APCDD1L: variants seen among roughly 807,000 people sequenced by gnomAD.
APCDD1L encodes protein APCDD1-like.
APCDD1L carries 21 observed loss-of-function variants against 24.2 expected under a neutral mutation model. That is an observed-to-expected ratio of 0.87 (90% CI 0.61 to 1.25). The LOEUF (loss-of-function observed/expected upper bound fraction) is 1.25. Ranked by LOEUF, APCDD1L falls within the 50% of genes most tolerant of loss-of-function variation. The pLI, the probability that APCDD1L is intolerant of heterozygous loss-of-function variation, is 0.00. For synonymous variants in APCDD1L, 321 were observed against 323.6 expected, an observed-to-expected ratio of 0.99 and a Z score of 0.09; for missense variants, 704 against 711.7, an observed-to-expected ratio of 0.99 and a Z score of 0.12.
At position 58,461,479 on chromosome 20, in the gene APCDD1L, G is replaced by T; in HGVS notation, c.817C>A (p.Pro273Thr). Residue 273 changes from proline to threonine, a missense_variant, in exon 4 of 4, where the codon CCT becomes ACT. By Grantham distance (38) the Pro-to-Thr change is conservative. Transcript: ENST00000371149. The surrounding 1 kb of genome is among the most constrained non-coding windows in gnomAD (Gnocchi z 6.0). Reference sequence around the variant, plus strand: ...CCCAGGTGCAGGGGCAGGGCCAGAGGGGGCGGCAGCACGGGCGGGTGGTGC... The same window carrying T: ...CCCAGGTGCAGGGGCAGGGCCAGAGTGGGCGGCAGCACGGGCGGGTGGTGC... ...DVHHPPVLPP[P>T]LALPLHLGGW... is the part of the protein sequence containing the mutation. 1 of 1,476,960 alleles carries T rather than the reference G, an allele frequency of 6.8e-7. No individual in the cohort carries two copies. The highest frequency in any genetic ancestry group is 9.0e-7 in the Non-Finnish European group (1 of 1,111,544). 91.5% of individuals were successfully genotyped at this position (1,476,960 alleles called of 1,614,324 possible). A position where few individuals can be genotyped will look rare whatever the true frequency, so the allele number is the denominator to read the frequency against.
intron 1 of APCDD1L, among the ~76,000 whole-genome samples, chr20:58,507,736 A>G (rs1279449093): frequency 6.6e-6 from 1 of 152,240 alleles, no homozygotes; most frequent in African/African-American, 2.4e-5. Context: ...CTGAAAAAAA[A>G]TTGCAACACA....
intron 1 of APCDD1L, among the ~76,000 whole-genome samples, chr20:58,495,837 C>G (rs1990311329): frequency 6.6e-6 from 1 of 152,154 alleles, no homozygotes; most frequent in South Asian, 2.1e-4. Context: ...TCCCCACATG[C>G]CCTTGTCTCC....
At chr20:58,496,899 G>GA (rs1220880283) in intron 1 of APCDD1L, among the ~76,000 whole-genome samples, 4 of 152,212 alleles carry the variant, frequency 2.6e-5, no homozygotes, top group African/African-American at 9.6e-5. Context: ...GACCCCCTAC[G>GA]AGCGGCACTG....
At position 58,508,159 on chromosome 20, in the gene APCDD1L, G is replaced by A. The variant is rs987080956; in HGVS notation, c.49+6500C>T. Among the ~76,000 whole-genome samples the A allele has an allele frequency of 2.0e-5, 3 of 152,352 alleles. No homozygotes were observed. Among genetic ancestry groups the A allele is most frequent in the Non-Finnish European group, 4.4e-5 (3 of 68,042 alleles). On this transcript the variant is annotated intron_variant, in intron 1 of 3. Coordinates refer to ENST00000371149, the MANE Select transcript of APCDD1L (RefSeq NM_153360.3). The surrounding 1 kb of genome is among the most constrained non-coding windows in gnomAD (Gnocchi z 4.0). ...GCAGGTGAAGGGGAGGCTGGCAGCA[G>A]GGAACAGAGTTCTAGGCAGAAGAAA... is the stretch of plus-strand genomic sequence containing the variant.
chr20:58,481,211 C>T lies in APCDD1L; in HGVS notation c.50-10464G>A, dbSNP rs186540480. ...TAGTTAGGAGTCAGTGTTTTCCAAACAGAATGTGTATCTGGGAGTCTCCCG... is the reference window on the plus strand; with the variant it reads ...TAGTTAGGAGTCAGTGTTTTCCAAATAGAATGTGTATCTGGGAGTCTCCCG... On this transcript the variant is annotated intron_variant, in intron 1 of 3. Coordinates refer to ENST00000371149, the MANE Select transcript of APCDD1L (RefSeq NM_153360.3). Among the ~76,000 whole-genome samples the T allele has an allele frequency of 2.8e-4, 42 of 152,344 alleles. 2 individuals carry two copies. The highest frequency in any genetic ancestry group is 3.4e-3 in the Middle Eastern group (1 of 294).
rs1228401952 is a variant in APCDD1L, at chr20:58,497,125, A to G, written c.49+17534T>C. Reference sequence around the variant, plus strand: ...CAGGGCTCCAGGGTCAGCAGCGTGGACACCAGAGGTCACAAGATGGGGGAT... The same window carrying G: ...CAGGGCTCCAGGGTCAGCAGCGTGGGCACCAGAGGTCACAAGATGGGGGAT... On this transcript the variant is annotated intron_variant, in intron 1 of 3. Transcript: ENST00000371149. This position sits in a 1 kb window ranked among gnomAD's most constrained non-coding sequence, Gnocchi z 4.3. Among the ~76,000 whole-genome samples the G allele has an allele frequency of 6.6e-6, 1 of 151,334 alleles. No individual in the cohort carries two copies. Among genetic ancestry groups the G allele is most frequent in the African/African-American group, 2.4e-5 (1 of 41,136 alleles).
rs566524347 is a variant in APCDD1L at position 58,460,537 on chromosome 20, C to T, written c.*253G>A. 1.2e-4 allele frequency: 45 copies of T among 388,018 alleles called. No individual in the cohort carries two copies. Among genetic ancestry groups the T allele is most frequent in the African/African-American group, 7.6e-4 (37 of 48,954 alleles). The allele number at this position is 388,018 out of a possible 1,614,324, so 24.0% of individuals were successfully genotyped here. ...ATTGGGAGTGATCTTTAGAAACTCA[C>T]GTAGCGATGAACATCACTGCCGCAT... On this transcript the variant is annotated 3_prime_UTR_variant, in exon 4 of 4. Coordinates refer to ENST00000371149, the MANE Select transcript of APCDD1L (RefSeq NM_153360.3). This position sits in a 1 kb window ranked among gnomAD's most constrained non-coding sequence, Gnocchi z 4.2.
intron 1 of APCDD1L, among the ~76,000 whole-genome samples, chr20:58,501,114 C>T (rs1422887641): frequency 6.6e-6 from 1 of 152,214 alleles, no homozygotes; most frequent in Non-Finnish European, 1.5e-5. Flanking sequence ...CCAGGGGTAA[C>T]TTTAGTCCTG....
rs538669727 is a variant in APCDD1L at position 58,467,525 on chromosome 20, C to A, written c.322G>T (p.Gly108Cys). The change falls in exon 3 of 4, where the codon GGC (glycine) becomes TGC (cysteine). Residue 108 changes from glycine to cysteine, a missense_variant. Gly to Cys is a radical substitution (Grantham distance 159). Coordinates refer to ENST00000371149, the MANE Select transcript of APCDD1L (RefSeq NM_153360.3). This position sits in a 1 kb window ranked among gnomAD's most constrained non-coding sequence, Gnocchi z 5.9. ...GEPAHSLLVK[G>C]KVRLRRASWV... is the part of the protein sequence containing the mutation. ...GAGGCCCGGCGCAGGCGGACTTTGC[C>A]CTTGACGAGCAGCGAGTGGGCAGGT... 17 of 1,596,460 alleles carry A rather than the reference C, an allele frequency of 1.1e-5. No homozygotes were observed. The highest frequency in any genetic ancestry group is 1.5e-5 in the Non-Finnish European group (17 of 1,171,486).
At position 58,461,698 on chromosome 20, in the gene APCDD1L, G is replaced by C; in HGVS notation, c.742-144C>G. ...TCCCTCCTCTCTCTCCTCACTCCCTGCCTTCAGTCAGGACGACCTCCTTGC... is the reference window on the plus strand; with the variant it reads ...TCCCTCCTCTCTCTCCTCACTCCCTCCCTTCAGTCAGGACGACCTCCTTGC... On this transcript the variant is annotated intron_variant, in intron 3 of 3. Coordinates refer to ENST00000371149, the MANE Select transcript of APCDD1L (RefSeq NM_153360.3). This position sits in a 1 kb window ranked among gnomAD's most constrained non-coding sequence, Gnocchi z 6.0. 3.5e-6 allele frequency: 3 copies of C among 857,816 alleles called. No homozygotes were observed. Among genetic ancestry groups the C allele is most frequent in the Non-Finnish European group, 4.7e-6 (3 of 635,656 alleles). The allele number at this position is 857,816 out of a possible 1,614,324, so 53.1% of individuals were successfully genotyped here.
chr20:58,475,958 C>T (rs573031547), intron 1 of APCDD1L, among the ~76,000 whole-genome samples: 5 of 152,270 alleles, frequency 3.3e-5, no homozygotes, highest in Admixed American at 6.5e-5. Context: ...TAGAGCCCAC[C>T]CTAATCCTAA....
intron 1 of APCDD1L, among the ~76,000 whole-genome samples, chr20:58,484,868 G>T (rs6070482): frequency 0.022 from 3,320 of 152,034 alleles, 49 homozygotes; most frequent in Non-Finnish European, 0.034. Flanking sequence ...CGAAGCCTTG[G>T]TTGCTTCCTT....
chr20:58,472,259 G>A (rs1989825962), intron 1 of APCDD1L, among the ~76,000 whole-genome samples: 1 of 152,174 alleles, frequency 6.6e-6, no homozygotes, highest in East Asian at 1.9e-4. Context: ...CTGTTAACTG[G>A]GTGTGGACCC....
chr20:58,496,731 C>T (rs768193245), intron 1 of APCDD1L, among the ~76,000 whole-genome samples: 10 of 152,146 alleles, frequency 6.6e-5, no homozygotes, highest in African/African-American at 2.4e-4. Context: ...TGGTCTTTAT[C>T]CTGACACCAG....
chr20:58,464,493 C>T (rs1434678465), intron 3 of APCDD1L, among the ~76,000 whole-genome samples: 1 of 152,216 alleles, frequency 6.6e-6, no homozygotes, highest in Non-Finnish European at 1.5e-5. Flanking sequence ...CGTTAATAAA[C>T]AAAGCCCCCA....
chr20:58,459,679 C>T lies in APCDD1L; in HGVS notation c.*1111G>A, dbSNP rs575220116. ...CTGTTCCCACCATGATGACAGTCCCCTCTGAGCAGAGGACACCAATATATT... is the reference window on the plus strand; with the variant it reads ...CTGTTCCCACCATGATGACAGTCCCTTCTGAGCAGAGGACACCAATATATT... On this transcript the variant is annotated 3_prime_UTR_variant, in exon 4 of 4. Transcript: ENST00000371149. 1 of 152,956 alleles carries T rather than the reference C, an allele frequency of 6.5e-6. No individual in the cohort carries two copies. Among genetic ancestry groups the T allele is most frequent in the Admixed American group, 6.5e-5 (1 of 15,300 alleles). The allele number at this position is 152,956 out of a possible 1,614,324, so 9.5% of individuals were successfully genotyped here.
intron 1 of APCDD1L, among the ~76,000 whole-genome samples, chr20:58,489,431 C>T (rs1990181177): frequency 6.6e-6 from 1 of 151,850 alleles, no homozygotes; most frequent in Non-Finnish European, 1.5e-5. Flanking sequence ...CACCTGTAAT[C>T]CCAGTACTTT....
chr20:58,468,811 G>T (rs1989763587), intron 2 of APCDD1L, among the ~76,000 whole-genome samples: 1 of 152,100 alleles, frequency 6.6e-6, no homozygotes, highest in African/African-American at 2.4e-5. Flanking sequence ...CAATCAATCT[G>T]CCCATCTCGG....
chr20:58,479,651 G>A (rs548879386), intron 1 of APCDD1L, among the ~76,000 whole-genome samples: 28 of 139,462 alleles, frequency 2.0e-4, no homozygotes, highest in African/African-American at 5.5e-4. Flanking sequence ...TTTCAAAACC[G>A]TCAGCTTGAG....
Sources: gnomAD v4.1 joint callset for allele counts (sites outside exome capture counted in the v4.1 genomes callset) on GRCh38, gnomAD v4.1.1 for gene constraint, Gnocchi (gnomAD v3.1) non-coding constraint, MANE v1.5 for transcripts, NCBI Gene and HGNC (gene_info 2026-07-23, HGNC 2026-07-21) for gene names.